The following USP4 variants were observed in gnomAD, a reference collection of about 807,000 sequenced individuals.
USP4 encodes ubiquitin specific peptidase 4.
USP4 carries 72 observed loss-of-function variants against 118.2 expected under a neutral mutation model. That is an observed-to-expected ratio of 0.61 (90% CI 0.50 to 0.74). The LOEUF is 0.74. Ranked by LOEUF, USP4 falls within the 30% of genes least tolerant of loss-of-function variation. USP4 has a pLI of 0.00. For missense variants in USP4, 1,037 were observed against 1,185.7 expected (o/e 0.87, Z 1.84); for synonymous variants, 415 against 440.4 (o/e 0.94, Z 0.72).
chr3:49,317,455 T>A, intron 6 of USP4: 3 of 783,408 alleles, frequency 3.8e-6, no homozygotes, highest in Non-Finnish European at 4.5e-6. Context: ...CATGCCCTGC[T>A]GGGTCAACAT....
At chr3:49,310,584 A>G (rs1168998731) in intron 8 of USP4, 36 bp downstream of exon 8, 1 of 1,565,414 alleles carries the variant, frequency 6.4e-7, no homozygotes, top group Admixed American at 1.7e-5. Context: ...AAACCTCAAG[A>G]TGCTGTGTTA....
intron 19 of USP4, among the ~76,000 whole-genome samples, chr3:49,281,476 G>GTGTATA (rs750956022): frequency 2.1e-4 from 22 of 105,982 alleles, no homozygotes; most frequent in African/African-American, 6.2e-4. Flanking sequence ...AAAAGTATGT[G>GTGTATA]TATATATATA....
chr3:49,296,116 G>A (rs1396929785), intron 13 of USP4, among the ~76,000 whole-genome samples: 1 of 151,710 alleles, frequency 6.6e-6, no homozygotes, highest in Non-Finnish European at 1.5e-5. Flanking sequence ...CGGATTACGA[G>A]GTCAGGAGAT....
intron 6 of USP4, among the ~76,000 whole-genome samples, chr3:49,315,218 C>T (rs116668427): frequency 0.011 from 1,603 of 152,088 alleles, 28 homozygotes; most frequent in African/African-American, 0.037. Context: ...CATAGCAGCA[C>T]GTGCCTGCAG....
Position 49,298,608 on chromosome 3 carries a change from C to T in USP4, c.1540G>A (p.Ala514Thr), listed in dbSNP as rs746404183. 2 of 1,614,006 alleles carry T rather than the reference C, an allele frequency of 1.2e-6. No individual in the cohort carries two copies. Among genetic ancestry groups the T allele is most frequent in the African/African-American group, 1.3e-5 (1 of 74,916 alleles). The part of the protein sequence containing the change: ...QYRVTVPLMG[A>T]VSDLCEALSR... ...AGAGCCTCGCACAGGTCGGACACAG[C>T]CCCCATCAGCGGCACAGTCACACGG... Residue 514 changes from alanine to threonine, a missense_variant, in exon 12 of 22, where the codon GCT becomes ACT. Physicochemically the swap from Ala to Thr is moderately conservative, Grantham distance 58 (BLOSUM62 0). Transcript: ENST00000265560.
At chr3:49,312,468 C>T in intron 6 of USP4, 1 of 452,550 alleles carries the variant, frequency 2.2e-6, no homozygotes, top group Middle Eastern at 5.0e-4. Context: ...GAGTGAGACT[C>T]CATCTCAAAA....
At chr3:49,328,324 C>T (rs911633259) in intron 2 of USP4, among the ~76,000 whole-genome samples, 1 of 151,950 alleles carries the variant, frequency 6.6e-6, no homozygotes, top group Non-Finnish European at 1.5e-5. Context: ...CGCCACTGCA[C>T]TCCAGCCTGG....
At chr3:49,327,850 C>A in intron 2 of USP4, 34 bp from the exon 3 acceptor site, 1 of 1,591,416 alleles carries the variant, frequency 6.3e-7, no homozygotes, top group Non-Finnish European at 8.6e-7. Flanking sequence ...AGTCACTGCT[C>A]TTTACCCCAG....
Position 49,339,907 on chromosome 3 carries a change from G to T in USP4, c.101+17C>A. 1.2e-6 allele frequency: 2 copies of T among 1,608,942 alleles called. No homozygotes were observed. Among genetic ancestry groups the T allele is most frequent in the East Asian group, 4.5e-5 (2 of 44,782 alleles). On this transcript the variant is annotated intron_variant, in intron 1 of 21. Coordinates refer to ENST00000265560, the MANE Select transcript of USP4 (RefSeq NM_003363.4). ...GCCCCTGGTTCTGCATAGAGGAAGA[G>T]CGAGCCGGGAGCTCACCACTGCGCC...
At chr3:49,296,286 C>T (rs532478919) in intron 13 of USP4, among the ~76,000 whole-genome samples, 7 of 150,832 alleles carry the variant, frequency 4.6e-5, no homozygotes, top group African/African-American at 1.7e-4. Context: ...CACGATCACA[C>T]CATTGTACTC....
chr3:49,318,717 T>C, intron 6 of USP4: 1 of 582,512 alleles, frequency 1.7e-6, no homozygotes, highest in Non-Finnish European at 2.2e-6. Context: ...GAGACCAGCC[T>C]GGCCAACGTG....
rs34296887 is a variant in USP4, at chr3:49,295,288, CAAAAAAAAAAAAAA to C, written c.1692-704_1692-691del. On this transcript the variant is annotated intron_variant, in intron 13 of 21. Transcript: ENST00000265560. ...TGGGCAACAGAGCGAGACTCCATCTCAAAAAAAAAAAAAAAAAAAAAAAAAAAAAGCATTGAGTG... is the reference window on the plus strand; with the variant it reads ...TGGGCAACAGAGCGAGACTCCATCTCAAAAAAAAAAAAAAAGCATTGAGTG... Among the ~76,000 whole-genome samples, 7 of 11,944 alleles carry C rather than the reference CAAAAAAAAAAAAAA, an allele frequency of 5.9e-4. 1 individual carries two copies. Among genetic ancestry groups the C allele is most frequent in the South Asian group, 3.8e-3 (1 of 262 alleles). The allele number at this position is 11,944 out of a possible 152,430, so 7.8% of individuals were successfully genotyped here.
At chr3:49,329,938 G>C (rs530867931) in intron 2 of USP4, among the ~76,000 whole-genome samples, 1 of 152,184 alleles carries the variant, frequency 6.6e-6, no homozygotes, top group East Asian at 1.9e-4. Flanking sequence ...TCAGAAGTTT[G>C]AGACCAGCCT....
intron 6 of USP4, among the ~76,000 whole-genome samples, chr3:49,322,515 T>C (rs1163195032): frequency 1.3e-5 from 2 of 152,208 alleles, no homozygotes; most frequent in African/African-American, 4.8e-5. Context: ...GCCTCTTTTT[T>C]TTACTAGTGT....
intron 2 of USP4, among the ~76,000 whole-genome samples, chr3:49,328,855 T>C (rs2047584628): frequency 6.6e-6 from 1 of 151,346 alleles, no homozygotes; most frequent in Non-Finnish European, 1.5e-5. Flanking sequence ...CAAGACTCTG[T>C]CTCAAAAGAA....
At chr3:49,284,180 G>C (rs368415889) in intron 18 of USP4, 44 bp from the exon 19 acceptor site, 3 of 1,612,754 alleles carry the variant, frequency 1.9e-6, no homozygotes, top group African/African-American at 1.3e-5. Flanking sequence ...CCGGCAGCCA[G>C]TGCCACCTGG....
intron 6 of USP4, among the ~76,000 whole-genome samples, chr3:49,322,029 A>G (rs2047508223): frequency 1.3e-5 from 2 of 152,060 alleles, no homozygotes; most frequent in Non-Finnish European, 2.9e-5. Flanking sequence ...CTGAGTGTAT[A>G]AAATCAAGAA....
In USP4 at chr3:49,284,908, G is replaced by C; in HGVS notation, c.2212C>G (p.Leu738Val). 6.2e-7 allele frequency: 1 copy of C among 1,612,638 alleles called. No homozygotes were observed. Among genetic ancestry groups the C allele is most frequent in the Non-Finnish European group, 8.5e-7 (1 of 1,179,174 alleles). ...GTTTCACTGTCCCAATCCATGGCCA[G>C]TGTAGATCGAGCTGAGGAGGACCAA... ...KLLKLNSRST[L>V]AMDWDSETRR... is the part of the protein sequence containing the mutation. Residue 738 changes from leucine to valine, a missense_variant, in exon 17 of 22, where the codon CTG (leucine) becomes GTG (valine). Coordinates refer to ENST00000265560, the MANE Select transcript of USP4 (RefSeq NM_003363.4).
chr3:49,330,614 A>T (rs2047606828), intron 2 of USP4, among the ~76,000 whole-genome samples: 1 of 151,906 alleles, frequency 6.6e-6, no homozygotes, highest in South Asian at 2.1e-4. Flanking sequence ...AACAGGCGTA[A>T]GCCACTGCAC....
Sources: gnomAD v4.1 joint callset for allele counts (sites outside exome capture counted in the v4.1 genomes callset) on GRCh38, gnomAD v4.1.1 for gene constraint, MANE v1.5 for transcripts, NCBI Gene and HGNC (gene_info 2026-07-23, HGNC 2026-07-21) for gene names.